The following VWA8 variants were observed in gnomAD, a reference collection of about 807,000 sequenced individuals.
The protein encoded by VWA8 is von Willebrand factor A domain containing 8, also known as von Willebrand factor A domain-containing protein 8.
A neutral mutation model predicts 241.5 loss-of-function variants in VWA8; 221 were observed. That is an observed-to-expected ratio of 0.91 (90% confidence interval 0.82 to 1.02). VWA8 has a LOEUF of 1.02. Ranked by LOEUF, VWA8 falls within the 50% of genes least tolerant of loss-of-function variation. The pLI is 0.00. For synonymous variants in VWA8, 852 were observed against 827.1 expected (o/e 1.03, Z -0.52); for missense variants, 2,322 against 2,328.7 (o/e 1.00, Z 0.06).
chr13:41,925,178 T>C (rs1428415955), intron 2 of VWA8, among the ~76,000 whole-genome samples: 1 of 152,060 alleles, frequency 6.6e-6, no homozygotes, highest in Non-Finnish European at 1.5e-5. Flanking sequence ...CCTTCAGAAA[T>C]TAAGGAGAAA....
chr13:41,895,833 T>TTC (rs1203895206), intron 4 of VWA8, among the ~76,000 whole-genome samples: 8 of 134,742 alleles, frequency 5.9e-5, no homozygotes, highest in Admixed American at 3.6e-4. Flanking sequence ...CAAATTTTCT[T>TTC]TTTTTTTTTT....
chr13:41,784,729 TACACACACATATATATA>T, intron 18 of VWA8, among the ~76,000 whole-genome samples: 1 of 60,098 alleles, frequency 1.7e-5, no homozygotes, highest in South Asian at 5.3e-4. Context: ...TATATATATA[TACACACACATATATATA>T]TATATATATA....
chr13:41,748,292 T>C (rs1322100174), intron 21 of VWA8, among the ~76,000 whole-genome samples: 2 of 152,240 alleles, frequency 1.3e-5, no homozygotes, highest in Non-Finnish European at 2.9e-5. Flanking sequence ...TATTGGTCTA[T>C]TCAGAGATTC....
At chr13:41,571,617 C>T (rs536687975) in intron 43 of VWA8, among the ~76,000 whole-genome samples, 1 of 152,306 alleles carries the variant, frequency 6.6e-6, no homozygotes, top group East Asian at 1.9e-4. Context: ...CCCGAGGTGC[C>T]GGGATTGCAG....
At chr13:41,608,987 T>C (rs571079304) in intron 39 of VWA8, among the ~76,000 whole-genome samples, 1 of 152,350 alleles carries the variant, frequency 6.6e-6, no homozygotes, top group African/African-American at 2.4e-5. Flanking sequence ...CAGCTAGGAC[T>C]GCCTAGTTTC....
intron 37 of VWA8, among the ~76,000 whole-genome samples, chr13:41,660,899 C>T (rs933895711): frequency 1.0e-4 from 15 of 147,788 alleles, no homozygotes; most frequent in East Asian, 2.0e-4. Flanking sequence ...TTTTTTGAGA[C>T]GGAGTCTCGC....
intron 27 of VWA8, among the ~76,000 whole-genome samples, chr13:41,702,625 G>A (rs947115240): frequency 1.3e-5 from 2 of 152,076 alleles, no homozygotes; most frequent in Non-Finnish European, 2.9e-5. Context: ...ATTTGTTTAC[G>A]TACTGCCATG....
intron 14 of VWA8, among the ~76,000 whole-genome samples, chr13:41,821,190 T>C (rs1442597364): frequency 6.6e-6 from 1 of 152,206 alleles, no homozygotes; most frequent in East Asian, 1.9e-4. Context: ...AAGGTGATGA[T>C]AATTTACTGG....
chr13:41,727,547 C>G (rs778292623), intron 23 of VWA8, among the ~76,000 whole-genome samples: 1 of 152,002 alleles, frequency 6.6e-6, no homozygotes, highest in Non-Finnish European at 1.5e-5. Flanking sequence ...CTCTTATATA[C>G]CTTCAGAGTA....
In VWA8 at chr13:41,865,992, G is replaced by T. The variant is rs546608189; in HGVS notation, c.1257C>A (p.Asp419Glu). The T allele has an allele frequency of 6.2e-7, 1 of 1,614,132 alleles. No individual in the cohort carries two copies. Among genetic ancestry groups the T allele is most frequent in the Admixed American group, 1.7e-5 (1 of 60,006 alleles). The part of the protein sequence containing the change: ...TRLLSQPCAS[D>E]RFIQTLSHKQ... ...TATGGCTCAAAGTCTGTATGAAACG[G>T]TCTGACGCACAAGGTTGACTTAATA... Residue 419 changes from aspartate (D) to glutamate (E), a missense_variant, in exon 11 of 45, where the codon GAC becomes GAA. Coordinates refer to ENST00000379310, the MANE Select transcript of VWA8 (RefSeq NM_015058.2).
intron 42 of VWA8, among the ~76,000 whole-genome samples, chr13:41,580,598 T>A (rs553948286): frequency 6.6e-6 from 1 of 152,224 alleles, no homozygotes; most frequent in South Asian, 2.1e-4. Context: ...GTGCCAAGGG[T>A]AGGAGAAGAC....
chr13:41,815,253 GA>G (rs747449827), intron 16 of VWA8, among the ~76,000 whole-genome samples: 2 of 152,176 alleles, frequency 1.3e-5, no homozygotes, highest in African/African-American at 2.4e-5. Flanking sequence ...CCCAGAGGGG[GA>G]TTAAGTATTT....
At chr13:41,657,326 T>C (rs1411785201) in intron 37 of VWA8, among the ~76,000 whole-genome samples, 1 of 152,028 alleles carries the variant, frequency 6.6e-6, no homozygotes, top group Non-Finnish European at 1.5e-5. Context: ...TCTGAGCCAA[T>C]AAATTTCCTT....
intron 43 of VWA8, among the ~76,000 whole-genome samples, 165 bp from the exon 44 acceptor site, chr13:41,570,871 G>C (rs541202499): frequency 3.3e-5 from 5 of 152,150 alleles, no homozygotes; most frequent in Non-Finnish European, 5.9e-5. Flanking sequence ...AGTGACAACA[G>C]TATACAGTGA....
chr13:41,652,617 T>G (rs2044876516), intron 37 of VWA8, among the ~76,000 whole-genome samples: 1 of 150,956 alleles, frequency 6.6e-6, no homozygotes, highest in Non-Finnish European at 1.5e-5. Flanking sequence ...CCTTATTTTA[T>G]AAAAAAAAAG....
intron 9 of VWA8, among the ~76,000 whole-genome samples, chr13:41,875,319 G>A (rs2138063697): frequency 6.6e-6 from 1 of 152,134 alleles, no homozygotes; most frequent in Non-Finnish European, 1.5e-5. Context: ...CTCTGAAAAT[G>A]TCCTTTTCCA....
chr13:41,960,937 G>T lies in VWA8; in HGVS notation c.79C>A (p.Arg27=), dbSNP rs1878587225. The T allele has an allele frequency of 2.0e-6, 3 of 1,487,480 alleles. No individual in the cohort carries two copies. Among genetic ancestry groups the T allele is most frequent in the South Asian group, 1.3e-5 (1 of 79,162 alleles). 92.1% of individuals were successfully genotyped at this position (1,487,480 alleles called of 1,614,324 possible). ...CCCGGCCTGCGCTGCACCACCTGCC[G>T]CAGGAGCAGCCGCATGCGCCGCGAG... ...PASRRMRLLL[R]QVVQRRPGGD... is the part of the protein sequence containing the mutation. The change falls in exon 1 of 45, where the codon CGG becomes AGG. Residue 27 remains arginine, a synonymous_variant. Coordinates refer to ENST00000379310, the MANE Select transcript of VWA8 (RefSeq NM_015058.2).
intron 3 of VWA8, among the ~76,000 whole-genome samples, chr13:41,911,312 C>T (rs1354079903): frequency 6.6e-6 from 1 of 152,164 alleles, no homozygotes; most frequent in Admixed American, 6.5e-5. Flanking sequence ...GATCCACCCA[C>T]CTCAGCCTCC....
chr13:41,676,507 T>C (rs2045061152), intron 35 of VWA8, among the ~76,000 whole-genome samples: 1 of 152,248 alleles, frequency 6.6e-6, no homozygotes, highest in Non-Finnish European at 1.5e-5. Flanking sequence ...GGCTCATGTG[T>C]TCATAACTGT....
Sources: gnomAD v4.1 joint callset for allele counts (sites outside exome capture counted in the v4.1 genomes callset) on GRCh38, gnomAD v4.1.1 for gene constraint, MANE v1.5 for transcripts, NCBI Gene and HGNC (gene_info 2026-07-23, HGNC 2026-07-21) for gene names.